The following ZBBX variants were observed in gnomAD, a reference collection of about 807,000 sequenced individuals.
The protein encoded by ZBBX is zinc finger B-box domain containing.
Under a neutral mutation model 108.5 loss-of-function variants are expected in ZBBX, and 101 were observed. The observed-to-expected ratio is 0.93, with a 90% CI of 0.79 to 1.10. The LOEUF (loss-of-function observed/expected upper bound fraction) is 1.10, where lower values mean the gene tolerates loss of function less well. ZBBX is among the 50% of genes least tolerant of loss of function. The pLI, the probability that ZBBX is intolerant of heterozygous loss-of-function variation, is 0.00. For missense variants in ZBBX, 1,009 were observed against 941.4 expected, an observed-to-expected ratio of 1.07 and a Z score of -0.94; for synonymous variants, 356 against 323.4, an observed-to-expected ratio of 1.10 and a Z score of -1.08.
intron 8 of ZBBX, among the ~76,000 whole-genome samples, chr3:167,354,030 A>C (rs1743114065): frequency 6.6e-6 from 1 of 152,040 alleles, no homozygotes; most frequent in African/African-American, 2.4e-5. Context: ...TATTTAGTAC[A>C]AATAACCTAC....
At chr3:167,384,211 T>A (rs1747832574), upstream of ZBBX, among the ~76,000 whole-genome samples, 2 of 152,070 alleles carry the variant, frequency 1.3e-5, no homozygotes, top group Admixed American at 1.3e-4. Flanking sequence ...CAAGAGACAC[T>A]TTTAAAATAT....
rs148563511 is a variant in ZBBX at position 167,269,998 on chromosome 3, T to A, written c.2254+12240A>T. On this transcript the variant is annotated intron_variant, in intron 20 of 21. Coordinates refer to ENST00000675490, the MANE Select transcript of ZBBX (RefSeq NM_001199201.2). ...CAAGGGTTTGCAGACTCACCCAACC[T>A]CTTTAGTCAGATTTTAGAACAAGTG... 1.0e-3 allele frequency among the ~76,000 whole-genome samples: 152 copies of A among 152,254 alleles called. 1 individual carries two copies. In the Middle Eastern group the frequency reaches 0.031, roughly 31 times the overall value.
intron 1 of ZBBX, among the ~76,000 whole-genome samples, chr3:167,390,808 A>G (rs1306015292): frequency 1.3e-5 from 2 of 152,040 alleles, no homozygotes; most frequent in African/African-American, 4.8e-5. Context: ...GGTTTATAGA[A>G]TGCTTGTGAT....
intron 9 of ZBBX, among the ~76,000 whole-genome samples, chr3:167,345,139 A>G (rs1405478294): frequency 1.3e-5 from 2 of 151,888 alleles, no homozygotes; most frequent in Admixed American, 1.3e-4. Flanking sequence ...GCTTAATCAA[A>G]CCACTAAGGA....
At position 167,365,956 on chromosome 3, in the gene ZBBX, T is replaced by A. The variant is rs1560189089; in HGVS notation, c.203A>T (p.Lys68Ile). The change falls in exon 6 of 22, where the codon AAA becomes ATA. Residue 68 changes from lysine to isoleucine, a missense_variant. Lys to Ile is a moderately radical substitution (Grantham distance 102). Transcript: ENST00000675490. ...GACCAATTTGCCCACTTTTCCAGAT[T>A]TCCAGTAATACTCGCTTGACCTTTA... ...EDRESSEYYW[K>I]SGKVGKLVNQ... is the part of the protein sequence containing the mutation. The A allele has an allele frequency of 6.2e-7, 1 of 1,607,892 alleles. No individual in the cohort carries two copies. The highest frequency in any genetic ancestry group is 8.5e-7 in the Non-Finnish European group (1 of 1,175,770).
At chr3:167,320,026 G>A (rs1400987341) in intron 12 of ZBBX, among the ~76,000 whole-genome samples, 2 of 149,720 alleles carry the variant, frequency 1.3e-5, no homozygotes, top group African/African-American at 4.9e-5. Flanking sequence ...GTGCACGCAC[G>A]TGTGTGTGTG....
Position 167,350,512 on chromosome 3 carries a change from A to G in ZBBX, c.436T>C (p.Cys146Arg). The G allele has an allele frequency of 6.4e-7, 1 of 1,570,568 alleles. No individual in the cohort carries two copies. The highest frequency in any genetic ancestry group is 8.6e-7 in the Non-Finnish European group (1 of 1,156,704). ...CAATAATCTTCTCCACATTCAAGGC[A>G]TACCTAAAAAGATATTTTTTAAAAA... ...QCENKAALLV[C>R]LECGEDYCSG... Residue 146 changes from cysteine (C) to arginine (R), a missense_variant, in exon 9 of 22, where the codon TGC (cysteine) becomes CGC (arginine). Cys to Arg is a radical substitution (Grantham distance 180, BLOSUM62 -3). Coordinates refer to ENST00000675490, the MANE Select transcript of ZBBX (RefSeq NM_001199201.2).
chr3:167,303,127 A>G (rs1272036425), intron 17 of ZBBX, among the ~76,000 whole-genome samples: 1 of 152,126 alleles, frequency 6.6e-6, no homozygotes, highest in Non-Finnish European at 1.5e-5. Flanking sequence ...ATACTTAACT[A>G]TACTATTTTT....
upstream of ZBBX, among the ~76,000 whole-genome samples, chr3:167,384,677 G>C (rs910597931): frequency 6.6e-6 from 1 of 152,020 alleles, no homozygotes; most frequent in Non-Finnish European, 1.5e-5. Context: ...AGTATTGAGA[G>C]AGGCATTCAT....
the ZBBX span, among the ~76,000 whole-genome samples, chr3:167,210,352 C>T: frequency 1.3e-5 from 2 of 151,836 alleles, no homozygotes; most frequent in African/African-American, 4.8e-5. Flanking sequence ...CAAAAAGACA[C>T]CATCAGAGTA....
chr3:167,190,361 A>G, the ZBBX span, among the ~76,000 whole-genome samples: 1 of 150,992 alleles, frequency 6.6e-6, no homozygotes, highest in Non-Finnish European at 1.5e-5. Context: ...TTCTCTTAGG[A>G]ACTAAAACTT....
In ZBBX at chr3:167,375,347, C is replaced by T. The variant is rs559088067; in HGVS notation, c.-131-1560G>A. ...TGGCTGACACCTGTAATCCCAGTAC[C>T]TTGGGAGGCCAAGGTGGGCAGATGA... is the stretch of plus-strand genomic sequence containing the variant. On this transcript the variant is annotated intron_variant, in intron 2 of 21. Transcript: ENST00000675490. Among the ~76,000 whole-genome samples the T allele has an allele frequency of 1.4e-4, 22 of 152,140 alleles. No homozygotes were observed. In the South Asian group the frequency reaches 4.6e-3, roughly 32 times the overall value.
chr3:167,391,490 C>T (rs1017129683), intron 1 of ZBBX, among the ~76,000 whole-genome samples: 4 of 151,976 alleles, frequency 2.6e-5, no homozygotes, highest in Admixed American at 1.3e-4. Flanking sequence ...CAGGATGATG[C>T]TAGTCTCATA....
At chr3:167,192,711 GCTCA>G in the ZBBX span, among the ~76,000 whole-genome samples, 4 of 151,984 alleles carry the variant, frequency 2.6e-5, no homozygotes, top group Non-Finnish European at 4.4e-5. Flanking sequence ...CTGTTTTCAA[GCTCA>G]CTGATTCTTT....
At chr3:167,304,802 A>T (rs981426909) in intron 17 of ZBBX, among the ~76,000 whole-genome samples, 1 of 152,014 alleles carries the variant, frequency 6.6e-6, no homozygotes, top group Non-Finnish European at 1.5e-5. Flanking sequence ...ATGACTGATC[A>T]GACATTTAGG....
chr3:167,204,011 C>A, the ZBBX span, among the ~76,000 whole-genome samples: 1 of 152,054 alleles, frequency 6.6e-6, no homozygotes, highest in Non-Finnish European at 1.5e-5. Flanking sequence ...ACTAAAATAT[C>A]TCATAGCTGT....
chr3:167,213,410 T>G, the ZBBX span, among the ~76,000 whole-genome samples: 10 of 152,224 alleles, frequency 6.6e-5, no homozygotes, highest in South Asian at 8.3e-4. Flanking sequence ...TCACAAGTAC[T>G]AACAGCAGAA....
chr3:167,340,173 G>A (rs886818340), intron 9 of ZBBX, among the ~76,000 whole-genome samples: 10 of 151,978 alleles, frequency 6.6e-5, no homozygotes, highest in African/African-American at 2.2e-4. Context: ...TGAGTATGAG[G>A]ATCCTATTAT....
chr3:167,365,813 G>T, intron 6 of ZBBX, 73 bp downstream of exon 6: 1 of 1,061,310 alleles, frequency 9.4e-7, no homozygotes. Context: ...GAGTATAGAA[G>T]AAAATGCAAG....
Sources: allele counts gnomAD v4.1 joint callset (sites outside exome capture counted in the v4.1 genomes callset), GRCh38; gene constraint gnomAD v4.1.1; transcripts MANE v1.5; gene names NCBI Gene and HGNC (gene_info 2026-07-23, HGNC 2026-07-21).